Variants in ATP6V1C2 observed in about 807,000 individuals in gnomAD.
ATP6V1C2 encodes V-type proton ATPase subunit C 2.
In ATP6V1C2, 45 loss-of-function variants were observed where a neutral mutation model predicts 56.8. The observed-to-expected ratio is 0.79, with a 90% CI of 0.62 to 1.02. The LOEUF (loss-of-function observed/expected upper bound fraction) is 1.02. Among genes scored for constraint, ATP6V1C2 ranks in the 50% least tolerant of loss-of-function variants. The pLI is 0.00. For synonymous variants in ATP6V1C2, 220 were observed against 201.3 expected, an observed-to-expected ratio of 1.09 and a Z score of -0.79; for missense variants, 463 against 519.7, an observed-to-expected ratio of 0.89 and a Z score of 1.06.
intron 3 of ATP6V1C2, among the ~76,000 whole-genome samples, chr2:10,752,426 T>C (rs1380600722): frequency 6.6e-6 from 1 of 152,198 alleles, no homozygotes; most frequent in Non-Finnish European, 1.5e-5. Context: ...ATTCAGTGAC[T>C]TGAGTCCGCT....
chr2:10,777,716 G>C lies in ATP6V1C2; in HGVS notation c.957G>C (p.Glu319Asp), dbSNP rs758499939. The change falls in exon 11 of 14, where the codon GAG becomes GAC. Residue 319 changes from glutamate (E) to aspartate (D), a missense_variant. By Grantham distance (45) the Glu-to-Asp change is conservative. Coordinates refer to ENST00000272238, the MANE Select transcript of ATP6V1C2 (RefSeq NM_001039362.2). ...ACAGAGAGAGAGAGAGTGAGGGCGA[G>C]GGTGAGGTAAGCAACGCCCCGGGAA... ...QTDRERESEGEGEGPLLRWLK... is the reference protein window; with the variant it reads ...QTDRERESEGDGEGPLLRWLK... 4.3e-6 allele frequency: 7 copies of C among 1,610,322 alleles called. No individual in the cohort carries two copies. In the East Asian group the frequency reaches 1.6e-4, roughly 36 times the overall value.
intron 10 of ATP6V1C2, among the ~76,000 whole-genome samples, chr2:10,776,322 T>C (rs1664981222): frequency 6.6e-6 from 1 of 152,052 alleles, no homozygotes; most frequent in African/African-American, 2.4e-5. Flanking sequence ...TGGACCTGTG[T>C]GTGCACAGCA....
chr2:10,724,890 C>T (rs754322427), intron 2 of ATP6V1C2, among the ~76,000 whole-genome samples: 10 of 152,180 alleles, frequency 6.6e-5, no homozygotes, highest in Middle Eastern at 3.4e-3. Context: ...CCAGTTTGGT[C>T]TCAAACCTTC....
intron 10 of ATP6V1C2, among the ~76,000 whole-genome samples, chr2:10,775,727 G>A (rs1664922525): frequency 6.6e-6 from 1 of 152,186 alleles, no homozygotes; most frequent in African/African-American, 2.4e-5. Flanking sequence ...GCTCCGGGAA[G>A]TGGGCACCTT....
chr2:10,745,041 CTTTTTTTTTTTTTT>C (rs5829274), intron 3 of ATP6V1C2, among the ~76,000 whole-genome samples: 2 of 113,314 alleles, frequency 1.8e-5, no homozygotes, highest in African/African-American at 6.8e-5. Context: ...TATTTATTTT[CTTTTTTTTTTTTTT>C]TTTTCTGAGA....
rs1664056724 is a variant in ATP6V1C2 at position 10,763,678 on chromosome 2, G to A, written c.284-653G>A. ...TCCATAGACCCGGCGTATTAAAAGAGGTCAGGTCCTGGGGCGGCTGGCCCA... is the reference window on the plus strand; with the variant it reads ...TCCATAGACCCGGCGTATTAAAAGAAGTCAGGTCCTGGGGCGGCTGGCCCA... On this transcript the variant is annotated intron_variant, in intron 4 of 13. Transcript: ENST00000272238. This position sits in a 1 kb window ranked among gnomAD's most constrained non-coding sequence, Gnocchi z 4.2. Among the ~76,000 whole-genome samples the A allele has an allele frequency of 2.0e-5, 3 of 152,236 alleles. No individual in the cohort carries two copies. The highest frequency in any genetic ancestry group is 7.2e-5 in the African/African-American group (3 of 41,464).
chr2:10,764,882 A>G (rs1664130601), intron 5 of ATP6V1C2, among the ~76,000 whole-genome samples: 1 of 151,986 alleles, frequency 6.6e-6, no homozygotes, highest in Non-Finnish European at 1.5e-5. Flanking sequence ...GAGGCAGGAG[A>G]ATCACTTGAA....
intron 3 of ATP6V1C2, among the ~76,000 whole-genome samples, chr2:10,730,947 C>A (rs1661917107): frequency 6.6e-6 from 1 of 151,360 alleles, no homozygotes; most frequent in Non-Finnish European, 1.5e-5. Flanking sequence ...GCCACTGCGC[C>A]CTGCCAACAA....
upstream of ATP6V1C2, among the ~76,000 whole-genome samples, chr2:10,721,386 TGCGGCAGGAGACCCCGTGGGACGC>T (rs1661344561): frequency 6.6e-6 from 1 of 152,014 alleles, no homozygotes; most frequent in Non-Finnish European, 1.5e-5. Flanking sequence ...AGCGCAGTCG[TGCGGCAGGAGACCCCGTGGGACGC>T]GCCGCAGAAG....
chr2:10,721,752 G>A (rs1296882298), intron 1 of ATP6V1C2, 21 bp downstream of exon 1: 1 of 152,278 alleles, frequency 6.6e-6, no homozygotes, highest in South Asian at 2.0e-4. Flanking sequence ...ACCGCGGAGC[G>A]GGGACCCGAG....
At chr2:10,728,237 A>C (rs377552539) in intron 3 of ATP6V1C2, among the ~76,000 whole-genome samples, 12 of 152,016 alleles carry the variant, frequency 7.9e-5, no homozygotes, top group African/African-American at 2.9e-4. Flanking sequence ...ACATGCCATC[A>C]TGCCCAGCTA....
At chr2:10,740,901 G>A (rs996106387) in intron 3 of ATP6V1C2, among the ~76,000 whole-genome samples, 4 of 152,202 alleles carry the variant, frequency 2.6e-5, no homozygotes, top group African/African-American at 9.6e-5. Flanking sequence ...TGGCCAGGCT[G>A]GTCTCAAACT....
intron 3 of ATP6V1C2, among the ~76,000 whole-genome samples, chr2:10,753,153 T>C (rs1663317449): frequency 6.6e-6 from 1 of 152,208 alleles, no homozygotes; most frequent in African/African-American, 2.4e-5. Flanking sequence ...ATGTTCTAAT[T>C]GTAAAAGCAA....
rs144345687 is a variant in ATP6V1C2 at position 10,766,214 on chromosome 2, C to T, written c.378+1789C>T. Among the ~76,000 whole-genome samples the T allele has an allele frequency of 3.3e-3, 500 of 152,298 alleles. 1 individual carries two copies. The highest frequency in any genetic ancestry group is 5.7e-3 in the Non-Finnish European group (386 of 68,020). The stretch of plus-strand genomic sequence containing the variant: ...ACCACAGGGAAGCAGCTCCTGGCAG[C>T]AGCAGGGGCAGAGGCTCCGGGGTGT... On this transcript the variant is annotated intron_variant, in intron 5 of 13. Coordinates refer to ENST00000272238, the MANE Select transcript of ATP6V1C2 (RefSeq NM_001039362.2).
rs1240627323 is a variant in ATP6V1C2 at position 10,721,678 on chromosome 2, G to C, written c.-80G>C. 4 of 151,512 alleles carry C rather than the reference G, an allele frequency of 2.6e-5. No individual in the cohort carries two copies. Among genetic ancestry groups the C allele is most frequent in the African/African-American group, 4.8e-5 (2 of 41,338 alleles). 9.4% of individuals were successfully genotyped at this position (151,512 alleles called of 1,614,324 possible). ...GGCAGAGCGCTCCGGCCCCGCACCC[G>C]CCGCCCGTCGCCCGCAGCCCCCTAC... On this transcript the variant is annotated 5_prime_UTR_variant, in exon 1 of 14. Transcript: ENST00000272238.
intron 3 of ATP6V1C2, among the ~76,000 whole-genome samples, chr2:10,727,035 GCCTT>G (rs34712749): frequency 0.94 from 134,113 of 142,616 alleles, 63,841 homozygotes; most frequent in Non-Finnish European, 1. Flanking sequence ...AATATAGAGA[GCCTT>G]CCTTCCTTCC....
chr2:10,779,205 A>G (rs571195303), intron 12 of ATP6V1C2, among the ~76,000 whole-genome samples: 122 of 151,726 alleles, frequency 8.0e-4, no homozygotes, highest in South Asian at 7.5e-3. Context: ...CTCAGGTTCA[A>G]GAGATTCTCC....
chr2:10,777,950 C>T (rs939456757), intron 11 of ATP6V1C2, among the ~76,000 whole-genome samples: 15 of 151,264 alleles, frequency 9.9e-5, no homozygotes, highest in South Asian at 4.2e-4. Flanking sequence ...TCTCCCCGGG[C>T]GCCTGGCTGG....
chr2:10,755,548 C>T (rs886216236), intron 4 of ATP6V1C2, among the ~76,000 whole-genome samples: 1 of 152,190 alleles, frequency 6.6e-6, no homozygotes, highest in Non-Finnish European at 1.5e-5. Flanking sequence ...AAATTCATGG[C>T]TCTGCAGTTC....
Sources: gnomAD v4.1 joint callset for allele counts (sites outside exome capture counted in the v4.1 genomes callset) on GRCh38, gnomAD v4.1.1 for gene constraint, Gnocchi (gnomAD v3.1) non-coding constraint, MANE v1.5 for transcripts, NCBI Gene and HGNC (gene_info 2026-07-23, HGNC 2026-07-21) for gene names.